SRRT: variants seen among roughly 807,000 people sequenced by gnomAD.
SRRT encodes the protein serrate, RNA effector molecule.
A neutral mutation model predicts 103.2 loss-of-function variants in SRRT; 32 were observed. The observed-to-expected ratio is 0.31, with a 90% CI of 0.23 to 0.42. The LOEUF is 0.42. SRRT is among the 10% of genes least tolerant of loss of function. The pLI is 1.00. For missense variants in SRRT, 986 were observed against 1,207.5 expected (o/e 0.82, Z 2.72); for synonymous variants, 525 against 449.0 (o/e 1.17, Z -2.14).
intron 3 of SRRT, 115 bp downstream of exon 3, chr7:100,881,528 AC>A: frequency 1.3e-6 from 2 of 1,560,432 alleles, no homozygotes; most frequent in Non-Finnish European, 1.7e-6. Flanking sequence ...ACTTCCCATC[AC>A]CCATCGTTAC....
chr7:100,884,278 A>C, intron 6 of SRRT, 39 bp downstream of exon 6: 1 of 1,613,506 alleles, frequency 6.2e-7, no homozygotes, highest in Non-Finnish European at 8.5e-7. Flanking sequence ...TCTGGGCCCC[A>C]TGGGGGTGGG....
At chr7:100,886,164 T>C (rs1790078326) in intron 12 of SRRT, 83 bp from the exon 13 acceptor site, 1 of 1,486,318 alleles carries the variant, frequency 6.7e-7, no homozygotes. Flanking sequence ...TCGCTGGTGC[T>C]CAAGAGGGAA....
At position 100,881,651 on chromosome 7, in the gene SRRT, A is replaced by G; in HGVS notation, c.252-8A>G. 1.2e-6 allele frequency: 2 copies of G among 1,612,722 alleles called. No homozygotes were observed. The highest frequency in any genetic ancestry group is 1.7e-6 in the Non-Finnish European group (2 of 1,179,732). On this transcript the variant is annotated splice_polypyrimidine_tract_variant and splice_region_variant and intron_variant, in intron 3 of 19. Transcript: ENST00000611405. ...TCTCTGCTTTACTTTTGTGTCCCCC[A>G]CCTTCAGGGATGAGCACAGCTCTGA... is the stretch of plus-strand genomic sequence containing the variant.
chr7:100,875,982 C>T (rs1815654966), intron 2 of SRRT: 1 of 386,468 alleles, frequency 2.6e-6, no homozygotes, highest in South Asian at 2.4e-5. Flanking sequence ...TGCTTTTTTG[C>T]TTTTTTTTGT....
intron 2 of SRRT, among the ~76,000 whole-genome samples, chr7:100,879,811 A>C (rs867707983): frequency 5.2e-4 from 41 of 78,972 alleles, no homozygotes; most frequent in Admixed American, 1.3e-3. Flanking sequence ...GACTGTCTCC[A>C]AAAAAAAAAA....
Position 100,882,176 on chromosome 7 carries a change from C to G in SRRT, c.522C>G (p.Asp174Glu). The change falls in exon 5 of 20, where the codon GAC becomes GAG. Residue 174 changes from aspartate (D) to glutamate (E), a missense_variant. By Grantham distance (45) the Asp-to-Glu change is conservative. Transcript: ENST00000611405. The surrounding 1 kb of genome is among the most constrained non-coding windows in gnomAD (Gnocchi z 4.2). ...DETEAVKRYN[D>E]YKLDFRRQQM... ...CGGAGGCCGTCAAGCGCTATAATGA[C>G]TACAAGCTGGATTTCCGGAGGCAAC... 6.2e-7 allele frequency: 1 copy of G among 1,614,188 alleles called. No homozygotes were observed. Among genetic ancestry groups the G allele is most frequent in the South Asian group, 1.1e-5 (1 of 91,084 alleles).
At chr7:100,875,435 C>G (rs763806124) in intron 1 of SRRT, 107 bp downstream of exon 1, 2 of 1,473,022 alleles carry the variant, frequency 1.4e-6, no homozygotes, top group African/African-American at 1.4e-5. Flanking sequence ...GTTGGAGCCG[C>G]GTTCTCAGGC....
In SRRT at chr7:100,887,249, T is replaced by A; in HGVS notation, c.1975+49T>A. On this transcript the variant is annotated intron_variant, in intron 15 of 19. Coordinates refer to ENST00000611405, the MANE Select transcript of SRRT (RefSeq NM_015908.6). The surrounding 1 kb of genome is among the most constrained non-coding windows in gnomAD (Gnocchi z 4.1). ...TCCCGGCTGCCCCTGGCCTTGGTCC[T>A]CCAGCCCCTTGCCACCATCCTTCCT... is the stretch of plus-strand genomic sequence containing the variant. The A allele has an allele frequency of 3.1e-6, 5 of 1,611,900 alleles. No individual in the cohort carries two copies. The highest frequency in any genetic ancestry group is 4.2e-6 in the Non-Finnish European group (5 of 1,178,340).
At chr7:100,886,523 A>C (rs1182441509) in intron 13 of SRRT, 88 bp downstream of exon 13, 4 of 1,380,138 alleles carry the variant, frequency 2.9e-6, no homozygotes, top group Non-Finnish European at 2.9e-6. Flanking sequence ...TGTAGCCTTG[A>C]ACCCTTGCAC....
chr7:100,879,655 C>CGG (rs1816093343), intron 2 of SRRT, among the ~76,000 whole-genome samples: 1 of 152,126 alleles, frequency 6.6e-6, no homozygotes, highest in Non-Finnish European at 1.5e-5. Context: ...ATGTAACCCA[C>CGG]ATAAGCAGAA....
chr7:100,887,767 A>C lies in SRRT; in HGVS notation c.2234A>C (p.Lys745Thr). ...GCAGAGAAAATTGAGGAAGTGAAAA[A>C]GGAAGTCGCGTTTTTTAACAACTTC... is the stretch of plus-strand genomic sequence containing the variant. Reference protein sequence around the residue: ...KHAEKIEEVKKEVAFFNNFLT... With the variant: ...KHAEKIEEVKTEVAFFNNFLT... The change falls in exon 17 of 20, where the codon AAG becomes ACG. Residue 745 changes from lysine (K) to threonine (T), a missense_variant. Lys to Thr is a moderately conservative substitution (Grantham distance 78). This residue lies in a region of SRRT where 178 missense variants were observed against 189.6 expected (regional missense o/e 0.94). Coordinates refer to ENST00000611405, the MANE Select transcript of SRRT (RefSeq NM_015908.6). This position sits in a 1 kb window ranked among gnomAD's most constrained non-coding sequence, Gnocchi z 4.1. The C allele has an allele frequency of 3.1e-6, 5 of 1,613,538 alleles. No individual in the cohort carries two copies. The highest frequency in any genetic ancestry group is 4.2e-6 in the Non-Finnish European group (5 of 1,179,520).
chr7:100,884,846 G>GT lies in SRRT; in HGVS notation c.1041+9dup, dbSNP rs760255648. The GT allele has an allele frequency of 3.7e-6, 6 of 1,613,972 alleles. No individual in the cohort carries two copies. The highest frequency in any genetic ancestry group is 4.2e-6 in the Non-Finnish European group (5 of 1,179,888). ...GAGAAGGAAGCCAAAAAGGTGAGGTGTCTGTGGCCTGGGGTCAGAGTGTTG... is the reference window on the plus strand; with the variant it reads ...GAGAAGGAAGCCAAAAAGGTGAGGTGTTCTGTGGCCTGGGGTCAGAGTGTTG... On this transcript the variant is annotated intron_variant, in intron 8 of 19. Transcript: ENST00000611405.
chr7:100,887,542 A>G lies in SRRT; in HGVS notation c.2169+29A>G, dbSNP rs778180421. The G allele has an allele frequency of 7.5e-6, 12 of 1,609,188 alleles. No individual in the cohort carries two copies. Among genetic ancestry groups the G allele is most frequent in the Non-Finnish European group, 1.0e-5 (12 of 1,176,804 alleles). On this transcript the variant is annotated intron_variant, in intron 16 of 19. Transcript: ENST00000611405. The surrounding 1 kb of genome is among the most constrained non-coding windows in gnomAD (Gnocchi z 4.1). ...TGGGATGTTGGAGAATGGCCGTGCT[A>G]CGGTGGTGGGAGGTGGGGTTGAGAC...
At chr7:100,883,254 C>T (rs1337805982) in intron 5 of SRRT, among the ~76,000 whole-genome samples, 2 of 152,234 alleles carry the variant, frequency 1.3e-5, no homozygotes, top group Non-Finnish European at 2.9e-5. Flanking sequence ...CCCTGCCTAA[C>T]ACCACCTTCT....
At position 100,875,585 on chromosome 7, in the gene SRRT, C is replaced by T. The variant is rs1309749027; in HGVS notation, c.-6C>T. The T allele has an allele frequency of 5.6e-6, 9 of 1,613,808 alleles. No individual in the cohort carries two copies. Among genetic ancestry groups the T allele is most frequent in the South Asian group, 3.3e-5 (3 of 91,066 alleles). On this transcript the variant is annotated 5_prime_UTR_variant, in exon 2 of 20. Coordinates refer to ENST00000611405, the MANE Select transcript of SRRT (RefSeq NM_015908.6). ...CCCCGGTCCCCAGGCCCCCTCAGAC[C>T]GTGCCATGGGTGACAGTGATGACGA... is the stretch of plus-strand genomic sequence containing the variant.
chr7:100,875,873 A>G (rs1815636365), intron 2 of SRRT, 161 bp downstream of exon 2: 1 of 823,296 alleles, frequency 1.2e-6, no homozygotes, highest in Non-Finnish European at 1.9e-6. Flanking sequence ...TGGCCAAATA[A>G]CTAGCTGTGG....
rs1790103728 is a variant in SRRT at position 100,886,387 on chromosome 7, C to G, written c.1599C>G (p.Asp533Glu). Residue 533 changes from aspartate to glutamate, a missense_variant, in exon 13 of 20, where the codon GAC becomes GAG. Asp to Glu is a conservative substitution (Grantham distance 45, BLOSUM62 2). Coordinates refer to ENST00000611405, the MANE Select transcript of SRRT (RefSeq NM_015908.6). ...CCAAGCTGATCCACACGCTGGATGA[C>G]AGGACACAGCTTTGGGCCTCAGAAC... ...LAAKLIHTLD[D>E]RTQLWASEPG... 3 of 1,613,740 alleles carry G rather than the reference C, an allele frequency of 1.9e-6. No homozygotes were observed. The highest frequency in any genetic ancestry group is 2.5e-6 in the Non-Finnish European group (3 of 1,180,014).
chr7:100,883,468 C>T lies in SRRT; in HGVS notation c.588-602C>T, dbSNP rs151110645. On this transcript the variant is annotated intron_variant, in intron 5 of 19. Coordinates refer to ENST00000611405, the MANE Select transcript of SRRT (RefSeq NM_015908.6). ...CTTCCAGCCCTCTCCTCTCTCTCCC[C>T]CTGTGGGCAGGACCTGAGGCTCTAA... 1.3e-3 allele frequency among the ~76,000 whole-genome samples: 199 copies of T among 152,350 alleles called. 2 individuals carry two copies. The highest frequency in any genetic ancestry group is 4.3e-3 in the Admixed American group (66 of 15,304).
At chr7:100,879,992 C>G (rs1816133178) in intron 2 of SRRT, among the ~76,000 whole-genome samples, 1 of 152,096 alleles carries the variant, frequency 6.6e-6, no homozygotes, top group Non-Finnish European at 1.5e-5. Flanking sequence ...TGTGATGAGA[C>G]TTGTGTTTGA....
Sources: allele counts gnomAD v4.1 joint callset (sites outside exome capture counted in the v4.1 genomes callset), GRCh38; gene constraint gnomAD v4.1.1; regional missense constraint gnomAD v4.1.1; non-coding constraint Gnocchi (gnomAD v3.1); transcripts MANE v1.5; gene names NCBI Gene and HGNC (gene_info 2026-07-23, HGNC 2026-07-21).